The following ZNF319 variants were observed in gnomAD, a reference collection of about 807,000 sequenced individuals.
The protein encoded by ZNF319 is zinc finger protein 319.
In ZNF319, 15 loss-of-function variants were observed where a neutral mutation model predicts 46.0. The observed-to-expected ratio is 0.33, with a 90% CI of 0.22 to 0.50. The LOEUF (loss-of-function observed/expected upper bound fraction) is 0.50. Ranked by LOEUF, ZNF319 falls within the 20% of genes least tolerant of loss-of-function variation. The pLI is 0.98. For missense variants in ZNF319, 635 were observed against 807.0 expected, an observed-to-expected ratio of 0.79 and a Z score of 2.58; for synonymous variants, 368 against 364.0, an observed-to-expected ratio of 1.01 and a Z score of -0.13.
In ZNF319 at chr16:58,000,314, CG is replaced by C. The variant is rs1259196045; in HGVS notation, c.-1080del. On this transcript the variant is annotated 5_prime_UTR_variant, in exon 1 of 2. Transcript: ENST00000299237. The surrounding 1 kb of genome is among the most constrained non-coding windows in gnomAD (Gnocchi z 4.5). ...GCCGCTAGGTCGCGGCGGAGGGGCGCGGGGGGGCGGCCGGGCCGGCAGAGGA... is the reference window on the plus strand; with the variant it reads ...GCCGCTAGGTCGCGGCGGAGGGGCGCGGGGGGCGGCCGGGCCGGCAGAGGA... 1.4e-4 allele frequency: 21 copies of C among 151,294 alleles called. No individual in the cohort carries two copies. Among genetic ancestry groups the C allele is most frequent in the Admixed American group, 1.2e-3 (18 of 15,180 alleles). The allele number at this position is 151,294 out of a possible 1,614,324, so 9.4% of individuals were successfully genotyped here. A position where few individuals can be genotyped will look rare whatever the true frequency, so the allele number is the denominator to read the frequency against.
At position 57,997,936 on chromosome 16, in the gene ZNF319, G is replaced by C; in HGVS notation, c.330C>G (p.Leu110=). Residue 110 remains leucine, a synonymous_variant, in exon 2 of 2, where the codon CTC becomes CTG. Transcript: ENST00000299237. ...GGTCAGTGGCCTGGTGGAAGATCTT[G>C]AGACACTGTGTGCACTGGAATGAGC... is the stretch of plus-strand genomic sequence containing the variant. ...HDRSFQCTQC[L]KIFHQATDLL... The C allele has an allele frequency of 6.2e-7, 1 of 1,613,558 alleles. No homozygotes were observed.
Position 57,996,266 on chromosome 16 carries a change from T to A in ZNF319, c.*251A>T, listed in dbSNP as rs1963010762. On this transcript the variant is annotated 3_prime_UTR_variant, in exon 2 of 2. Transcript: ENST00000299237. ...GCTCTCAAGAAAGTGAATCTTGTCA[T>A]GGGAAAGAGGTTTGTGGAATCAGGA... The A allele has an allele frequency of 1.7e-6, 1 of 572,282 alleles. No individual in the cohort carries two copies. The allele number at this position is 572,282 out of a possible 1,614,324, so 35.5% of individuals were successfully genotyped here.
rs561294186 is a variant in ZNF319, at chr16:57,996,820, G to T, written c.1446C>A (p.Arg482=). ...EFVQHRCDPA[R]EKPLKCPDCE... is the part of the protein sequence containing the mutation. ...AGTCTGGGCACTTGAGTGGCTTCTC[G>T]CGGGCCGGATCGCAGCGGTGCTGCA... Residue 482 remains arginine (R), a synonymous_variant, in exon 2 of 2, where the codon CGC becomes CGA. Coordinates refer to ENST00000299237, the MANE Select transcript of ZNF319 (RefSeq NM_020807.3). 6.2e-7 allele frequency: 1 copy of T among 1,608,242 alleles called. No individual in the cohort carries two copies. Among genetic ancestry groups the T allele is most frequent in the African/African-American group, 1.3e-5 (1 of 74,912 alleles).
Position 57,999,616 on chromosome 16 carries a change from A to G in ZNF319, c.-381T>C, listed in dbSNP as rs1963110309. 6.6e-6 allele frequency: 1 copy of G among 152,230 alleles called. No individual in the cohort carries two copies. Among genetic ancestry groups the G allele is most frequent in the Admixed American group, 6.5e-5 (1 of 15,286 alleles). 9.4% of individuals were successfully genotyped at this position (152,230 alleles called of 1,614,324 possible). On this transcript the variant is annotated 5_prime_UTR_variant, in exon 1 of 2. Coordinates refer to ENST00000299237, the MANE Select transcript of ZNF319 (RefSeq NM_020807.3). ...TTAAAAGTTTGTAAGTTTTCTCCTG[A>G]GCAGAGGAAGAAGGAAGGAGAAGCC... is the stretch of plus-strand genomic sequence containing the variant.
chr16:57,996,618 G>C lies in ZNF319; in HGVS notation c.1648C>G (p.Arg550Gly). The C allele has an allele frequency of 6.2e-7, 1 of 1,609,572 alleles. No individual in the cohort carries two copies. The highest frequency in any genetic ancestry group is 8.5e-7 in the Non-Finnish European group (1 of 1,179,862). ...TGCAACAAGGCCACGTCTAGGAAGCGCTCCCCGCACCATACACACTTGAAC... is the reference window on the plus strand; with the variant it reads ...TGCAACAAGGCCACGTCTAGGAAGCCCTCCCCGCACCATACACACTTGAAC... ...QQFKCVWCGE[R>G]FLDVALLQEH... The change falls in exon 2 of 2, where the codon CGC becomes GGC. Residue 550 changes from arginine (R) to glycine (G), a missense_variant. Physicochemically the swap from Arg to Gly is moderately radical, Grantham distance 125 (BLOSUM62 -2). Transcript: ENST00000299237.
chr16:57,997,083 G>A lies in ZNF319; in HGVS notation c.1183C>T (p.Leu395Phe), dbSNP rs1048312851. ...HLLYHQHVHT[L>F]ETLFKCPVCQ... Reference sequence around the variant, plus strand: ...ACGGGGCACTTGAAGAGAGTCTCGAGGGTGTGCACGTGCTGGTGGTAGAGC... The same window carrying A: ...ACGGGGCACTTGAAGAGAGTCTCGAAGGTGTGCACGTGCTGGTGGTAGAGC... The change falls in exon 2 of 2, where the codon CTC (leucine) becomes TTC (phenylalanine). Residue 395 changes from leucine (L) to phenylalanine (F), a missense_variant. Leu to Phe is a conservative substitution (Grantham distance 22). Coordinates refer to ENST00000299237, the MANE Select transcript of ZNF319 (RefSeq NM_020807.3). The A allele has an allele frequency of 6.2e-7, 1 of 1,613,970 alleles. No homozygotes were observed. The highest frequency in any genetic ancestry group is 2.2e-5 in the East Asian group (1 of 44,862).
rs1445122524 is a variant in ZNF319 at position 57,999,985 on chromosome 16, T to G, written c.-750A>C. The G allele has an allele frequency of 1.3e-5, 2 of 152,570 alleles. No homozygotes were observed. The highest frequency in any genetic ancestry group is 4.8e-5 in the African/African-American group (2 of 41,472). The allele number at this position is 152,570 out of a possible 1,614,324, so 9.5% of individuals were successfully genotyped here. ...GCAAGGTGCAGCCAGGAAGCCTCTG[T>G]GATCACTCCGCAAAGGGGAGAGAGG... On this transcript the variant is annotated 5_prime_UTR_variant, in exon 1 of 2. Transcript: ENST00000299237.
chr16:57,998,352 TCA>T lies in ZNF319; in HGVS notation c.-89_-88del, dbSNP rs1963072190. On this transcript the variant is annotated 5_prime_UTR_variant, in exon 2 of 2. Coordinates refer to ENST00000299237, the MANE Select transcript of ZNF319 (RefSeq NM_020807.3). ...CAATCCAGAGAGAGAAGCTGCCCAA[TCA>T]CAGAGATGGACAAGGACCTCAGACA... 6.6e-7 allele frequency: 1 copy of T among 1,506,336 alleles called. No homozygotes were observed. The highest frequency in any genetic ancestry group is 8.9e-7 in the Non-Finnish European group (1 of 1,127,478). 93.3% of individuals were successfully genotyped at this position (1,506,336 alleles called of 1,614,324 possible). A position where few individuals can be genotyped will look rare whatever the true frequency, so the allele number is the denominator to read the frequency against.
Position 57,997,574 on chromosome 16 carries a change from T to C in ZNF319, c.692A>G (p.Lys231Arg), listed in dbSNP as rs1347639887. Reference sequence around the variant, plus strand: ...GAAGCTTTTGTCACACAGCGTGCACTTGTAGGGCTTCTCACCGGTGTGGAT... The same window carrying C: ...GAAGCTTTTGTCACACAGCGTGCACCTGTAGGGCTTCTCACCGGTGTGGAT... ...ERIHTGEKPY[K>R]CTLCDKSFSQ... The change falls in exon 2 of 2, where the codon AAG becomes AGG. Residue 231 changes from lysine (K) to arginine (R), a missense_variant. This residue lies in a region of ZNF319 where 138 missense variants were observed against 248.0 expected (regional missense o/e 0.56). Coordinates refer to ENST00000299237, the MANE Select transcript of ZNF319 (RefSeq NM_020807.3). 2 of 1,613,902 alleles carry C rather than the reference T, an allele frequency of 1.2e-6. No individual in the cohort carries two copies. Among genetic ancestry groups the C allele is most frequent in the African/African-American group, 2.7e-5 (2 of 74,944 alleles).
rs1355281769 is a variant in ZNF319 at position 57,996,747 on chromosome 16, C to T, written c.1519G>A (p.Val507Ile). 1.2e-6 allele frequency: 2 copies of T among 1,607,066 alleles called. No homozygotes were observed. The highest frequency in any genetic ancestry group is 1.7e-5 in the Admixed American group (1 of 59,616). Residue 507 changes from valine to isoleucine, a missense_variant, in exon 2 of 2, where the codon GTA (valine) becomes ATA (isoleucine). Physicochemically the swap from Val to Ile is conservative, Grantham distance 29. Around this residue, in one of 3 missense-constraint regions of ZNF319, gnomAD observed 270 missense variants for 281.4 expected, o/e 0.96. Transcript: ENST00000299237. ...YASDLQRHRR[V>I]HTGEKPYKCP... ...TTGTAGGGCTTCTCGCCTGTGTGTA[C>T]CCGCCGGTGCCGCTGCAGGTCTGAC...
In ZNF319 at chr16:57,996,346, G is replaced by A. The variant is rs1963012882; in HGVS notation, c.*171C>T. Reference sequence around the variant, plus strand: ...GCCCGCTGGTGCCAGGAGTACGAGCGGCACACCCTCTCCCTGCCTCATACC... The same window carrying A: ...GCCCGCTGGTGCCAGGAGTACGAGCAGCACACCCTCTCCCTGCCTCATACC... On this transcript the variant is annotated 3_prime_UTR_variant, in exon 2 of 2. Coordinates refer to ENST00000299237, the MANE Select transcript of ZNF319 (RefSeq NM_020807.3). 7.5e-6 allele frequency: 10 copies of A among 1,340,182 alleles called. No homozygotes were observed. The highest frequency in any genetic ancestry group is 6.0e-5 in the Admixed American group (2 of 33,418). The allele number at this position is 1,340,182 out of a possible 1,614,324, so 83.0% of individuals were successfully genotyped here. A position where few individuals can be genotyped will look rare whatever the true frequency, so the allele number is the denominator to read the frequency against.
chr16:57,998,979 G>A (rs895757485), intron 1 of ZNF319, among the ~76,000 whole-genome samples: 1 of 152,142 alleles, frequency 6.6e-6, no homozygotes, highest in African/African-American at 2.4e-5. Context: ...GAGCCCAGTG[G>A]CAAATGGCCT....
Position 57,997,617 on chromosome 16 carries a change from G to A in ZNF319, c.649C>T (p.Leu217Phe), listed in dbSNP as rs754375469. 6.2e-7 allele frequency: 1 copy of A among 1,614,062 alleles called. No individual in the cohort carries two copies. The highest frequency in any genetic ancestry group is 1.3e-5 in the African/African-American group (1 of 75,018). ...CQKPFKHLSELSRHERIHTGE... is the reference protein window; with the variant it reads ...CQKPFKHLSEFSRHERIHTGE... ...GTGTGGATCCGCTCATGCCGAGAGA[G>A]CTCCGACAGGTGCTTGAAGGGCTTT... The change falls in exon 2 of 2, where the codon CTC becomes TTC. Residue 217 changes from leucine (L) to phenylalanine (F), a missense_variant. Coordinates refer to ENST00000299237, the MANE Select transcript of ZNF319 (RefSeq NM_020807.3).
rs779711765 is a variant in ZNF319 at position 57,996,650 on chromosome 16, T to G, written c.1616A>C (p.Glu539Ala). The change falls in exon 2 of 2, where the codon GAG becomes GCG. Residue 539 changes from glutamate to alanine, a missense_variant. Transcript: ENST00000299237. The part of the protein sequence containing the change: ...LNKHQGVHAR[E>A]QQFKCVWCGE... Reference sequence around the variant, plus strand: ...GCACCATACACACTTGAACTGCTGCTCGCGGGCGTGCACGCCCTGGTGCTT... The same window carrying G: ...GCACCATACACACTTGAACTGCTGCGCGCGGGCGTGCACGCCCTGGTGCTT... The G allele has an allele frequency of 6.2e-7, 1 of 1,612,698 alleles. No homozygotes were observed. The highest frequency in any genetic ancestry group is 2.2e-5 in the East Asian group (1 of 44,870).
rs758843808 is a variant in ZNF319, at chr16:57,997,886, G to A, written c.380C>T (p.Ala127Val). 39 of 1,613,472 alleles carry A rather than the reference G, an allele frequency of 2.4e-5. No homozygotes were observed. In the South Asian group the frequency reaches 4.2e-4, roughly 17 times the overall value. The change falls in exon 2 of 2, where the codon GCT becomes GTT. Residue 127 changes from alanine to valine, a missense_variant. By Grantham distance (64) the Ala-to-Val change is moderately conservative (BLOSUM62 0). Transcript: ENST00000299237. ...TDLLEHQCVQ[A>V]EQKPFVCGVC... The stretch of plus-strand genomic sequence containing the variant: ...CCCACAGACGAAGGGCTTCTGCTCA[G>A]CCTGCACGCACTGGTGCTCCAGCAG...
rs1420606874 is a variant in ZNF319, at chr16:57,996,120, T to TG, written c.*396dup. 1 of 211,270 alleles carries TG rather than the reference T, an allele frequency of 4.7e-6. No individual in the cohort carries two copies. Among genetic ancestry groups the TG allele is most frequent in the African/African-American group, 2.3e-5 (1 of 43,426 alleles). The allele number at this position is 211,270 out of a possible 1,614,324, so 13.1% of individuals were successfully genotyped here. ...TGAGCCTCCGCTTTCCTAACCTATG[T>TG]GGCTGCTAGCTTGAAAGATATGGGA... On this transcript the variant is annotated 3_prime_UTR_variant, in exon 2 of 2. Coordinates refer to ENST00000299237, the MANE Select transcript of ZNF319 (RefSeq NM_020807.3).
Position 57,997,343 on chromosome 16 carries a change from G to T in ZNF319, c.923C>A (p.Thr308Lys). The T allele has an allele frequency of 1.9e-6, 3 of 1,611,840 alleles. No individual in the cohort carries two copies. In the African/African-American group the frequency reaches 4.0e-5, roughly 21 times the overall value. Residue 308 changes from threonine (T) to lysine (K), a missense_variant, in exon 2 of 2, where the codon ACG (threonine) becomes AAG (lysine). By Grantham distance (78) the Thr-to-Lys change is moderately conservative (BLOSUM62 -1). Around this residue, in one of 3 missense-constraint regions of ZNF319, gnomAD observed 138 missense variants for 248.0 expected, o/e 0.56. Coordinates refer to ENST00000299237, the MANE Select transcript of ZNF319 (RefSeq NM_020807.3). ...ESSELLQHPC[T>K]PSGERPFRCG... ...GCGGAAGGGCCGCTCCCCACTTGGC[G>T]TGCACGGGTGCTGCAGCAGCTCCGA...
At position 57,997,686 on chromosome 16, in the gene ZNF319, G is replaced by C. The variant is rs1262802639; in HGVS notation, c.580C>G (p.Pro194Ala). The change falls in exon 2 of 2, where the codon CCT (proline) becomes GCT (alanine). Residue 194 changes from proline (P) to alanine (A), a missense_variant. Physicochemically the swap from Pro to Ala is conservative, Grantham distance 27 (BLOSUM62 -1). Transcript: ENST00000299237. ...TAGGGCTTGTCGGCCTGTTCAGCAG[G>C]GGTGACAGTGGAAGGCGCGGGTGCT... ...PAAPAPSTVT[P>A]AEQADKPYSC... 6.2e-7 allele frequency: 1 copy of C among 1,613,740 alleles called. No individual in the cohort carries two copies. Among genetic ancestry groups the C allele is most frequent in the Non-Finnish European group, 8.5e-7 (1 of 1,179,992 alleles).
chr16:57,996,892 C>T lies in ZNF319; in HGVS notation c.1374G>A (p.Leu458=). 2 of 1,602,478 alleles carry T rather than the reference C, an allele frequency of 1.2e-6. No individual in the cohort carries two copies. Among genetic ancestry groups the T allele is most frequent in the Non-Finnish European group, 1.7e-6 (2 of 1,179,024 alleles). ...LAHCAAAEKP[L]RCTLCERRFF... ...AGCGGCGTTCGCAAAGCGTGCAGCG[C>T]AGGGGCTTCTCTGCCGCCGCACAGT... The change falls in exon 2 of 2, where the codon CTG becomes CTA. Residue 458 remains leucine (L), a synonymous_variant. Transcript: ENST00000299237.
Sources: allele counts gnomAD v4.1 joint callset (sites outside exome capture counted in the v4.1 genomes callset), GRCh38; gene constraint gnomAD v4.1.1; regional missense constraint gnomAD v4.1.1; non-coding constraint Gnocchi (gnomAD v3.1); transcripts MANE v1.5; gene names NCBI Gene and HGNC (gene_info 2026-07-23, HGNC 2026-07-21).